CNN1: variants seen among roughly 807,000 people sequenced by gnomAD.
The protein encoded by CNN1 is calponin-1.
In CNN1, 21 loss-of-function variants were observed where a neutral mutation model predicts 35.3. That is an observed-to-expected ratio of 0.60 (90% confidence interval 0.42 to 0.86). CNN1 has a LOEUF of 0.86. Ranked by LOEUF, CNN1 falls within the 40% of genes least tolerant of loss-of-function variation. The pLI, the probability that CNN1 is intolerant of heterozygous loss-of-function variation, is 0.00. For missense variants in CNN1, 314 were observed against 400.8 expected (o/e 0.78, Z 1.85); for synonymous variants, 164 against 161.8 (o/e 1.01, Z -0.10).
chr19:11,547,736 C>T, intron 4 of CNN1, 61 bp from the exon 5 acceptor site: 13 of 1,387,990 alleles, frequency 9.4e-6, no homozygotes, highest in Non-Finnish European at 1.3e-5. Context: ...AAACAGTGTC[C>T]AAGGGGACTG....
At chr19:11,542,941 C>T (rs1972498500) in intron 2 of CNN1, among the ~76,000 whole-genome samples, 1 of 152,146 alleles carries the variant, frequency 6.6e-6, no homozygotes, top group East Asian at 1.9e-4. Flanking sequence ...TTGAGTCTGA[C>T]CCAGGGCAGA....
Position 11,546,883 on chromosome 19 carries a change from C to CCCCACGACATTTTTGAGG in CNN1, c.307_324dup (p.His103_Ala108dup), listed in dbSNP as rs770646919. 5 of 1,614,118 alleles carry CCCCACGACATTTTTGAGG rather than the reference C, an allele frequency of 3.1e-6. No homozygotes were observed. Among genetic ancestry groups the CCCCACGACATTTTTGAGG allele is most frequent in the Non-Finnish European group, 3.4e-6 (4 of 1,180,046 alleles). ...GGCCATCACCAAGTATGGGGTGAAG[C>CCCCACGACATTTTTGAGG]CCCACGACATTTTTGAGGCCAACGA... On this transcript the variant is annotated inframe_insertion, in exon 4 of 7. Transcript: ENST00000252456.
chr19:11,549,767 A>G lies in CNN1; in HGVS notation c.866A>G (p.His289Arg). The stretch of plus-strand genomic sequence containing the variant: ...CTGGGTGAGCCCGCCCACAACCACC[A>G]CGCACACAACTACTACAATTCCGCC... The part of the protein sequence containing the change: ...PELGEPAHNH[H>R]AHNYYNSA Residue 289 changes from histidine (H) to arginine (R), a missense_variant, in exon 7 of 7, where the codon CAC becomes CGC. Transcript: ENST00000252456. This position sits in a 1 kb window ranked among gnomAD's most constrained non-coding sequence, Gnocchi z 5.2. The G allele has an allele frequency of 6.2e-7, 1 of 1,613,024 alleles. No homozygotes were observed. Among genetic ancestry groups the G allele is most frequent in the South Asian group, 1.1e-5 (1 of 90,940 alleles).
In CNN1 at chr19:11,549,459, G is replaced by T. The variant is rs865829045; in HGVS notation, c.638G>T (p.Gly213Val). ...AGCCTGCAGATGGGCACCAACAAAG[G>T]AGCCAGCCAGGTGAGTGGGGGCCCC... ...TISLQMGTNK[G>V]ASQAGMTAPG... The change falls in exon 6 of 7, where the codon GGA (glycine) becomes GTA (valine). Residue 213 changes from glycine to valine, a missense_variant. By Grantham distance (109) the Gly-to-Val change is moderately radical (BLOSUM62 -3). Transcript: ENST00000252456. The surrounding 1 kb of genome is among the most constrained non-coding windows in gnomAD (Gnocchi z 5.2). The T allele has an allele frequency of 1.9e-6, 3 of 1,613,786 alleles. No individual in the cohort carries two copies. The African/African-American group carries it at 4.0e-5, about 22-fold the overall frequency.
chr19:11,546,484 T>C (rs1019064598), intron 2 of CNN1, among the ~76,000 whole-genome samples, 191 bp from the exon 3 acceptor site: 1 of 152,020 alleles, frequency 6.6e-6, no homozygotes, highest in Non-Finnish European at 1.5e-5. Flanking sequence ...TACAGGCATG[T>C]GCCACCACGC....
At chr19:11,540,050 C>G in intron 1 of CNN1, 1 of 1,042,632 alleles carries the variant, frequency 9.6e-7, no homozygotes, top group Non-Finnish European at 1.2e-6. Context: ...CCACCTCCCC[C>G]CACTCACCCG....
In CNN1 at chr19:11,550,087, A is replaced by C; in HGVS notation, c.*292A>C. On this transcript the variant is annotated 3_prime_UTR_variant, in exon 7 of 7. Transcript: ENST00000252456. ...TCCAGCTGTCCCCCCACTCCCTCAC[A>C]AGTGGGTACCCCCAGGACCAGAAGC... 30 of 289,200 alleles carry C rather than the reference A, an allele frequency of 1.0e-4. No individual in the cohort carries two copies. The highest frequency in any genetic ancestry group is 2.4e-4 in the East Asian group (4 of 16,472). 17.9% of individuals were successfully genotyped at this position (289,200 alleles called of 1,614,324 possible).
In CNN1 at chr19:11,546,972, G is replaced by C. The variant is rs1972601333; in HGVS notation, c.390+3G>C. 1 of 1,614,198 alleles carries C rather than the reference G, an allele frequency of 6.2e-7. No homozygotes were observed. Among genetic ancestry groups the C allele is most frequent in the Non-Finnish European group, 8.5e-7 (1 of 1,180,014 alleles). On this transcript the variant is annotated splice_donor_region_variant and intron_variant, in intron 4 of 6. Transcript: ENST00000252456. ...CCCTCCTGGCTTTGGCCAGCATGGT[G>C]AGTGTGGTTGCAGGCTGGGCAGGGG...
intron 4 of CNN1, 137 bp downstream of exon 4, chr19:11,547,106 G>A (rs957089309): frequency 4.4e-5 from 58 of 1,311,684 alleles, no homozygotes; most frequent in Admixed American, 1.0e-4. Context: ...TGTCAACAGC[G>A]TCCAAGGGGG....
Position 11,549,677 on chromosome 19 carries a change from C to T in CNN1, c.776C>T (p.Thr259Met), listed in dbSNP as rs773808410. The T allele has an allele frequency of 2.1e-5, 34 of 1,614,080 alleles. No individual in the cohort carries two copies. The highest frequency in any genetic ancestry group is 2.8e-5 in the Non-Finnish European group (33 of 1,180,032). ...AAGGGCGCCTCGCAGCGGGGCATGA[C>T]GGTGTATGGGCTGCCACGCCAGGTC... ...SNKGASQRGM[T>M]VYGLPRQVYD... The change falls in exon 7 of 7, where the codon ACG (threonine) becomes ATG (methionine). Residue 259 changes from threonine (T) to methionine (M), a missense_variant. Physicochemically the swap from Thr to Met is moderately conservative, Grantham distance 81. Transcript: ENST00000252456. The surrounding 1 kb of genome is among the most constrained non-coding windows in gnomAD (Gnocchi z 5.2).
rs552259440 is a variant in CNN1 at position 11,549,543 on chromosome 19, T to G, written c.649-7T>G. The G allele has an allele frequency of 1.3e-6, 2 of 1,598,156 alleles. No individual in the cohort carries two copies. Among genetic ancestry groups the G allele is most frequent in the African/African-American group, 2.7e-5 (2 of 74,774 alleles). ...ACCCCACGGCCTGACCACACCACCCTTCGCAGGCTGGCATGACTGCGCCAG... is the reference window on the plus strand; with the variant it reads ...ACCCCACGGCCTGACCACACCACCCGTCGCAGGCTGGCATGACTGCGCCAG... On this transcript the variant is annotated splice_polypyrimidine_tract_variant and splice_region_variant and intron_variant, in intron 6 of 6. Transcript: ENST00000252456. The surrounding 1 kb of genome is among the most constrained non-coding windows in gnomAD (Gnocchi z 5.2).
At chr19:11,539,930 C>T in intron 1 of CNN1, 1 of 1,109,172 alleles carries the variant, frequency 9.0e-7, no homozygotes, top group Non-Finnish European at 1.1e-6. Context: ...CCTTATAAGG[C>T]GGCCTCGGGG....
chr19:11,540,873 C>T (rs1972446232), intron 1 of CNN1, among the ~76,000 whole-genome samples: 1 of 152,226 alleles, frequency 6.6e-6, no homozygotes, highest in Admixed American at 6.5e-5. Flanking sequence ...GAATGGCCCC[C>T]TGGGCAGGTG....
intron 1 of CNN1, chr19:11,540,106 T>G: frequency 1.0e-6 from 1 of 983,442 alleles, no homozygotes; most frequent in Non-Finnish European, 1.2e-6. Flanking sequence ...GGAGCCTGGC[T>G]GGGCTTGGGC....
intron 1 of CNN1, chr19:11,539,874 C>A (rs368941391): frequency 1.8e-5 from 21 of 1,164,606 alleles, no homozygotes; most frequent in East Asian, 8.2e-5. Flanking sequence ...CTCCTCCCCC[C>A]CAGCGCCGGC....
chr19:11,538,935 C>T lies in CNN1; in HGVS notation c.8C>T (p.Ser3Phe), dbSNP rs1354331776. 1.0e-5 allele frequency: 16 copies of T among 1,592,450 alleles called. No homozygotes were observed. The highest frequency in any genetic ancestry group is 3.5e-5 in the Admixed American group (2 of 57,910). MS[S>F]AHFNRGPAYG... ...CAGAGCCCACCGGCCAGCATGTCCT[C>T]TGCTCACTTCAACCGAGGCCCTGCC... Residue 3 changes from serine (S) to phenylalanine (F), a missense_variant, in exon 1 of 7, where the codon TCT becomes TTT. Coordinates refer to ENST00000252456, the MANE Select transcript of CNN1 (RefSeq NM_001299.6).
rs576728816 is a variant in CNN1 at position 11,549,888 on chromosome 19, T to C, written c.*93T>C. 2.7e-6 allele frequency: 4 copies of C among 1,501,834 alleles called. No individual in the cohort carries two copies. In the East Asian group the frequency reaches 9.1e-5, roughly 34 times the overall value. The allele number at this position is 1,501,834 out of a possible 1,614,324, so 93.0% of individuals were successfully genotyped here. On this transcript the variant is annotated 3_prime_UTR_variant, in exon 7 of 7. Transcript: ENST00000252456. The surrounding 1 kb of genome is among the most constrained non-coding windows in gnomAD (Gnocchi z 5.2). ...GCCCAGCCGACCCCCTCTCCCTGCATGGCATCCTCCAGCCCCTGTAGAACT... is the reference window on the plus strand; with the variant it reads ...GCCCAGCCGACCCCCTCTCCCTGCACGGCATCCTCCAGCCCCTGTAGAACT...
chr19:11,539,044 C>T (rs904638496), intron 1 of CNN1, 54 bp downstream of exon 1: 5 of 1,453,092 alleles, frequency 3.4e-6, no homozygotes, highest in South Asian at 1.4e-5. Flanking sequence ...AGGCCAGAGC[C>T]CTGAGCTTGG....
Position 11,541,169 on chromosome 19 carries a change from G to C in CNN1, c.157G>C (p.Gly53Arg), listed in dbSNP as rs759065611. ...TCGCATCGGCAACAACTTCATGGACGGCCTCAAAGATGGCATCATTCTTTG... is the reference window on the plus strand; with the variant it reads ...TCGCATCGGCAACAACTTCATGGACCGCCTCAAAGATGGCATCATTCTTTG... ...GRRIGNNFMD[G>R]LKDGIILCEF... is the part of the protein sequence containing the mutation. The change falls in exon 2 of 7, where the codon GGC becomes CGC. Residue 53 changes from glycine to arginine, a missense_variant. Coordinates refer to ENST00000252456, the MANE Select transcript of CNN1 (RefSeq NM_001299.6). The C allele has an allele frequency of 6.3e-7, 1 of 1,599,214 alleles. No individual in the cohort carries two copies. The highest frequency in any genetic ancestry group is 8.5e-7 in the Non-Finnish European group (1 of 1,171,906).
Sources: gnomAD v4.1 joint callset for allele counts (sites outside exome capture counted in the v4.1 genomes callset) on GRCh38, gnomAD v4.1.1 for gene constraint, Gnocchi (gnomAD v3.1) non-coding constraint, MANE v1.5 for transcripts, NCBI Gene and HGNC (gene_info 2026-07-23, HGNC 2026-07-21) for gene names.